The following PDE4D variants were observed in gnomAD, a reference collection of about 807,000 sequenced individuals.
The protein encoded by PDE4D is phosphodiesterase 4D, also known as 3',5'-cyclic-AMP phosphodiesterase 4D.
A neutral mutation model predicts 87.4 loss-of-function variants in PDE4D; 24 were observed. The observed-to-expected ratio is 0.27, with a 90% CI of 0.20 to 0.39. The LOEUF (loss-of-function observed/expected upper bound fraction) is 0.39. Among genes scored for constraint, PDE4D ranks in the 10% least tolerant of loss-of-function variants. The probability of loss-of-function intolerance (pLI) is 1.00; values close to 1 mark genes in which losing one functional copy is unlikely to be tolerated. For synonymous variants in PDE4D, 384 were observed against 383.2 expected (o/e 1.00, Z -0.02); for missense variants, 714 against 1,041.0 (o/e 0.69, Z 4.32).
At chr5:59,247,034 C>G (rs1363727327) in intron 1 of PDE4D, among the ~76,000 whole-genome samples, 1 of 152,170 alleles carries the variant, frequency 6.6e-6, no homozygotes, top group African/African-American at 2.4e-5. Flanking sequence ...AAACTACCTA[C>G]ACCCACACAC....
chr5:60,239,574 A>G (rs1411845749), intron 1 of PDE4D, among the ~76,000 whole-genome samples: 2 of 152,080 alleles, frequency 1.3e-5, no homozygotes, highest in Non-Finnish European at 2.9e-5. Context: ...TAAGTATAGT[A>G]TATCTTTCTA....
At chr5:59,420,072 TCC>T (rs369289616) in intron 1 of PDE4D, among the ~76,000 whole-genome samples, 206 of 152,326 alleles carry the variant, frequency 1.4e-3, no homozygotes, top group Non-Finnish European at 2.3e-3. Context: ...GCTCTATCTC[TCC>T]CATTTTACTT....
intron 1 of PDE4D, among the ~76,000 whole-genome samples, chr5:59,439,462 A>G (rs1210219920): frequency 6.6e-6 from 1 of 152,184 alleles, no homozygotes; most frequent in African/African-American, 2.4e-5. Context: ...CCTGGGGAAG[A>G]AATAACACCT....
At chr5:59,441,866 T>C (rs1490909171) in intron 1 of PDE4D, among the ~76,000 whole-genome samples, 1 of 152,248 alleles carries the variant, frequency 6.6e-6, no homozygotes, top group Non-Finnish European at 1.5e-5. Flanking sequence ...GTATATTTGT[T>C]TGATTGGATG....
At chr5:60,058,516 A>C (rs1008423974) in intron 2 of PDE4D, among the ~76,000 whole-genome samples, 1 of 151,996 alleles carries the variant, frequency 6.6e-6, no homozygotes, top group Non-Finnish European at 1.5e-5. Context: ...ATATTTATAA[A>C]GATATAAATG....
At chr5:59,983,200 C>T (rs966717259) in intron 3 of PDE4D, among the ~76,000 whole-genome samples, 1 of 152,048 alleles carries the variant, frequency 6.6e-6, no homozygotes, top group Non-Finnish European at 1.5e-5. Flanking sequence ...TCTGCCTGCC[C>T]TCTTAGTGCT....
chr5:59,476,359 T>C (rs1158418720), intron 1 of PDE4D, among the ~76,000 whole-genome samples: 1 of 152,094 alleles, frequency 6.6e-6, no homozygotes, highest in Non-Finnish European at 1.5e-5. Context: ...TTGCAGGAAT[T>C]CATCAAACTG....
intron 1 of PDE4D, among the ~76,000 whole-genome samples, chr5:60,483,021 T>C (rs1489828703): frequency 2.0e-5 from 3 of 152,242 alleles, no homozygotes; most frequent in African/African-American, 7.2e-5. Context: ...TCTAGGTTCC[T>C]GTCACAGTTC....
At chr5:59,644,743 T>G (rs1471091992) in intron 1 of PDE4D, among the ~76,000 whole-genome samples, 1 of 152,212 alleles carries the variant, frequency 6.6e-6, no homozygotes, top group Non-Finnish European at 1.5e-5. Flanking sequence ...AAATGACAGA[T>G]TCTCAGCTTC....
At chr5:60,204,144 C>G (rs996228258) in intron 1 of PDE4D, among the ~76,000 whole-genome samples, 1 of 152,176 alleles carries the variant, frequency 6.6e-6, no homozygotes, top group Non-Finnish European at 1.5e-5. Flanking sequence ...TGCTGTCTCA[C>G]CTCTCACTAT....
chr5:59,533,367 A>T (rs1268475232), intron 1 of PDE4D, among the ~76,000 whole-genome samples: 2 of 152,262 alleles, frequency 1.3e-5, no homozygotes, highest in Admixed American at 1.3e-4. Context: ...AAGGTTTAAG[A>T]TAGAATTTTC....
intron 1 of PDE4D, among the ~76,000 whole-genome samples, chr5:59,774,437 C>T (rs959273852): frequency 5.3e-5 from 8 of 152,010 alleles, no homozygotes; most frequent in African/African-American, 1.9e-4. Flanking sequence ...TTAAGAGTTT[C>T]TAGATTTCAT....
rs759710171 is a variant in PDE4D, at chr5:59,365,554, C to T, written c.456-149586G>A. On this transcript the variant is annotated intron_variant, in intron 1 of 14. Transcript: ENST00000340635. ...ATCAAATGAGTTATTTTTGGTGAAA[C>T]GCCAGTTTGTAACACTGGCCTGGGG... 9.9e-4 allele frequency among the ~76,000 whole-genome samples: 150 copies of T among 152,138 alleles called. 1 individual carries two copies. Among genetic ancestry groups the T allele is most frequent in the Non-Finnish European group, 1.7e-3 (116 of 68,002 alleles).
chr5:60,009,390 C>G lies in PDE4D; in HGVS notation c.43-20673G>C, dbSNP rs555341317. 2.6e-4 allele frequency among the ~76,000 whole-genome samples: 39 copies of G among 152,008 alleles called. No individual in the cohort carries two copies. In the East Asian group the frequency reaches 4.1e-3, roughly 16 times the overall value. On this transcript the variant is annotated intron_variant, in intron 2 of 16. Transcript: ENST00000502484. ...CCTAAGATTAATCAATTGATTGATT[C>G]ATTCATTCAATAATTATTTATCGAG...
chr5:59,776,860 C>T lies in PDE4D; in HGVS notation c.455+116308G>A, dbSNP rs1309677312. Among the ~76,000 whole-genome samples, 8 of 145,388 alleles carry T rather than the reference C, an allele frequency of 5.5e-5. 1 individual carries two copies. Among genetic ancestry groups the T allele is most frequent in the African/African-American group, 1.1e-4 (4 of 37,870 alleles). ...TTGCCTAATTTTAATGAATGTTTCA[C>T]GAAAAAAAAAAAAGCATTTTGTGAT... On this transcript the variant is annotated intron_variant, in intron 1 of 14. Coordinates refer to ENST00000340635, the MANE Select transcript of PDE4D (RefSeq NM_001104631.2).
intron 1 of PDE4D, among the ~76,000 whole-genome samples, chr5:59,576,569 T>C (rs1823195493): frequency 6.6e-6 from 1 of 152,152 alleles, no homozygotes; most frequent in South Asian, 2.1e-4. Context: ...ACCTATTAAG[T>C]ACAACACCAT....
At chr5:59,335,547 A>T (rs1170996281) in intron 1 of PDE4D, among the ~76,000 whole-genome samples, 1 of 152,222 alleles carries the variant, frequency 6.6e-6, no homozygotes. Flanking sequence ...ACCTACATTT[A>T]TCACTTTTAC....
chr5:59,963,428 C>T (rs1759691334), intron 3 of PDE4D, among the ~76,000 whole-genome samples: 1 of 152,112 alleles, frequency 6.6e-6, no homozygotes, highest in Non-Finnish European at 1.5e-5. Flanking sequence ...CTCGCCCATG[C>T]ACAAAACACT....
chr5:60,221,399 C>A (rs1744481142), intron 1 of PDE4D, among the ~76,000 whole-genome samples: 1 of 151,996 alleles, frequency 6.6e-6, no homozygotes, highest in Non-Finnish European at 1.5e-5. Context: ...TTAGTTTCTC[C>A]TTTTAATATT....
Sources: allele counts gnomAD v4.1 joint callset (sites outside exome capture counted in the v4.1 genomes callset), GRCh38; gene constraint gnomAD v4.1.1; transcripts MANE v1.5; gene names NCBI Gene and HGNC (gene_info 2026-07-23, HGNC 2026-07-21).